The following KCNMA1 variants were observed in gnomAD, a reference collection of about 807,000 sequenced individuals.
The protein encoded by KCNMA1 is potassium calcium-activated channel subfamily M alpha 1.
Under a neutral mutation model 140.0 loss-of-function variants are expected in KCNMA1, and 29 were observed. The observed-to-expected ratio is 0.21, with a 90% CI of 0.15 to 0.28. The LOEUF (loss-of-function observed/expected upper bound fraction) is 0.28, where lower values mean the gene tolerates loss of function less well. Among genes scored for constraint, KCNMA1 ranks in the 10% least tolerant of loss-of-function variants. The pLI is 1.00. For missense variants in KCNMA1, 880 were observed against 1,602.2 expected (o/e 0.55, Z 7.70); for synonymous variants, 612 against 611.9 (o/e 1.00, Z 0.00).
rs534429240 is a variant in KCNMA1 at position 77,093,668 on chromosome 10, T to C, written c.1224-3158A>G. ...AAGACTTTTGAAGATTCTAGGGCCA[T>C]AGTTTGGGGAAGGATATTATTGCAG... is the stretch of plus-strand genomic sequence containing the variant. On this transcript the variant is annotated intron_variant, in intron 9 of 27. Transcript: ENST00000286628. Among the ~76,000 whole-genome samples, 14 of 152,292 alleles carry C rather than the reference T, an allele frequency of 9.2e-5. No homozygotes were observed. In the South Asian group the frequency reaches 2.5e-3, roughly 27 times the overall value.
chr10:76,920,020 G>GTGTA (rs1177257916), intron 23 of KCNMA1, among the ~76,000 whole-genome samples: 526 of 34,378 alleles, frequency 0.015, 11 homozygotes, highest in Non-Finnish European at 0.02. Context: ...GTGTGTGTGT[G>GTGTA]TATATATATA....
intron 5 of KCNMA1, among the ~76,000 whole-genome samples, chr10:77,167,811 T>C (rs1367001473): frequency 6.6e-6 from 1 of 151,820 alleles, no homozygotes; most frequent in Non-Finnish European, 1.5e-5. Flanking sequence ...AGCCCCCAAA[T>C]AGCAGGAACT....
chr10:77,356,125 G>T (rs2093459027), intron 2 of KCNMA1, among the ~76,000 whole-genome samples: 1 of 152,098 alleles, frequency 6.6e-6, no homozygotes. Flanking sequence ...CAGCTCAAGG[G>T]CAGAGAATGT....
intron 2 of KCNMA1, among the ~76,000 whole-genome samples, chr10:77,272,623 T>A (rs1490378330): frequency 7.1e-6 from 1 of 140,598 alleles, no homozygotes; most frequent in Non-Finnish European, 1.5e-5. Flanking sequence ...TAATAATTTT[T>A]AAAATGAAGT....
At chr10:76,944,043 C>A (rs1305463501) in intron 23 of KCNMA1, among the ~76,000 whole-genome samples, 4 of 152,134 alleles carry the variant, frequency 2.6e-5, no homozygotes, top group Admixed American at 2.6e-4. Context: ...AGGTGTCACT[C>A]AATGGAAAAT....
chr10:77,258,082 T>C (rs2061185817), intron 2 of KCNMA1, among the ~76,000 whole-genome samples: 1 of 152,162 alleles, frequency 6.6e-6, no homozygotes, highest in South Asian at 2.1e-4. Flanking sequence ...CGTCACCTAA[T>C]CTCTCTGGGT....
At chr10:77,573,193 C>A (rs2072360695) in intron 1 of KCNMA1, among the ~76,000 whole-genome samples, 1 of 152,178 alleles carries the variant, frequency 6.6e-6, no homozygotes, top group Non-Finnish European at 1.5e-5. Context: ...AATCTTCACT[C>A]TGATTCTCAG....
At chr10:77,550,808 T>C (rs1025695884) in intron 1 of KCNMA1, among the ~76,000 whole-genome samples, 2 of 152,158 alleles carry the variant, frequency 1.3e-5, no homozygotes, top group Admixed American at 1.3e-4. Context: ...TCTGAGGTTG[T>C]CCAGGTGGGG....
intron 3 of KCNMA1, among the ~76,000 whole-genome samples, chr10:77,239,450 T>C (rs561336): frequency 0.41 from 61,774 of 152,018 alleles, 13,952 homozygotes; most frequent in East Asian, 0.78. Flanking sequence ...TGCATGGGTG[T>C]GATGAGCAAC....
intron 1 of KCNMA1, among the ~76,000 whole-genome samples, chr10:77,473,580 T>C (rs974306630): frequency 2.6e-5 from 4 of 152,082 alleles, no homozygotes; most frequent in African/African-American, 9.7e-5. Flanking sequence ...CCTCCGTGGA[T>C]GGAAACAGGC....
At chr10:77,161,601 C>T (rs1194219136) in intron 5 of KCNMA1, among the ~76,000 whole-genome samples, 1 of 152,174 alleles carries the variant, frequency 6.6e-6, no homozygotes, top group African/African-American at 2.4e-5. Context: ...TGAGAAAAGT[C>T]AGGCACACTA....
intron 1 of KCNMA1, among the ~76,000 whole-genome samples, chr10:77,440,463 C>T (rs1046804942): frequency 6.6e-6 from 1 of 152,194 alleles, no homozygotes; most frequent in African/African-American, 2.4e-5. Flanking sequence ...CAAAACGCTG[C>T]TTGCTAGAGA....
chr10:77,600,039 G>A (rs2082138318), intron 1 of KCNMA1, among the ~76,000 whole-genome samples: 1 of 152,224 alleles, frequency 6.6e-6, no homozygotes, highest in Non-Finnish European at 1.5e-5. Flanking sequence ...AAGTCACCCT[G>A]AGCATACGCT....
chr10:76,997,944 G>A (rs1244276914), intron 19 of KCNMA1, among the ~76,000 whole-genome samples: 3 of 152,162 alleles, frequency 2.0e-5, no homozygotes, highest in African/African-American at 7.2e-5. Context: ...AAATCCTTTT[G>A]TGATGAATCC....
chr10:77,362,853 C>A (rs2094088158), intron 2 of KCNMA1, among the ~76,000 whole-genome samples: 1 of 152,224 alleles, frequency 6.6e-6, no homozygotes, highest in African/African-American at 2.4e-5. Flanking sequence ...AGACATAGTG[C>A]CTGCTGCTGT....
chr10:76,889,633 C>T, intron 26 of KCNMA1, 64 bp from the exon 27 acceptor site: 2 of 1,312,214 alleles, frequency 1.5e-6, no homozygotes, highest in Non-Finnish European at 2.2e-6. Context: ...CAAGGGACAG[C>T]AGGGAAACGG....
At chr10:77,551,617 ACT>A (rs1345398025) in intron 1 of KCNMA1, among the ~76,000 whole-genome samples, 2 of 152,158 alleles carry the variant, frequency 1.3e-5, no homozygotes, top group Non-Finnish European at 2.9e-5. Context: ...GGAAAAACAC[ACT>A]GTTAATATGC....
intron 5 of KCNMA1, among the ~76,000 whole-genome samples, chr10:77,126,571 T>C (rs1247175255): frequency 1.3e-5 from 2 of 152,064 alleles, no homozygotes; most frequent in Non-Finnish European, 2.9e-5. Flanking sequence ...ACAGCCCAAA[T>C]CCCCTCTTCA....
chr10:76,910,157 G>T, intron 24 of KCNMA1, 61 bp from the exon 25 acceptor site: 1 of 1,581,624 alleles, frequency 6.3e-7, no homozygotes. Flanking sequence ...TGAAGCCAGA[G>T]GGAGACCAGG....
Sources: gnomAD v4.1 joint callset for allele counts (sites outside exome capture counted in the v4.1 genomes callset) on GRCh38, gnomAD v4.1.1 for gene constraint, MANE v1.5 for transcripts, NCBI Gene and HGNC (gene_info 2026-07-23, HGNC 2026-07-21) for gene names.